The following AKNA variants were observed in gnomAD, a reference collection of about 807,000 sequenced individuals.
AKNA encodes the protein microtubule organization protein AKNA.
AKNA carries 67 observed loss-of-function variants against 138.8 expected under a neutral mutation model. The observed-to-expected ratio is 0.48, with a 90% CI of 0.40 to 0.59. AKNA has a LOEUF of 0.59. Among genes scored for constraint, AKNA ranks in the 20% least tolerant of loss-of-function variants. The probability of loss-of-function intolerance (pLI) is 0.00; values close to 1 mark genes in which losing one functional copy is unlikely to be tolerated. For synonymous variants in AKNA, 737 were observed against 754.4 expected (o/e 0.98, Z 0.38); for missense variants, 1,813 against 1,880.4 (o/e 0.96, Z 0.66).
At chr9:114,389,774 G>GTGAA (rs373047347), upstream of AKNA, among the ~76,000 whole-genome samples, 35 of 152,298 alleles carry the variant, frequency 2.3e-4, no homozygotes, top group Admixed American at 1.2e-3. Flanking sequence ...AATGTGTTCT[G>GTGAA]TGAATGAATG....
chr9:114,371,735 C>A (rs112407454), intron 4 of AKNA, among the ~76,000 whole-genome samples: 4,111 of 152,282 alleles, frequency 0.027, 196 homozygotes, highest in African/African-American at 0.094. Context: ...TGTCCACCTA[C>A]CCACCATGCC....
At chr9:114,385,341 T>A (rs1037287844) in intron 1 of AKNA, among the ~76,000 whole-genome samples, 2 of 152,160 alleles carry the variant, frequency 1.3e-5, no homozygotes, top group African/African-American at 2.4e-5. Context: ...GGCCCAGGAA[T>A]CTGCATTTTA....
intron 1 of AKNA, among the ~76,000 whole-genome samples, chr9:114,386,287 A>G (rs994900083): frequency 6.6e-6 from 1 of 152,242 alleles, no homozygotes; most frequent in Non-Finnish European, 1.5e-5. Flanking sequence ...GGGTAGTACA[A>G]TACAGAAGTG....
rs751196115 is a variant in AKNA at position 114,360,023 on chromosome 9, G to C, written c.2164C>G (p.Pro722Ala). 6.2e-7 allele frequency: 1 copy of C among 1,614,222 alleles called. No individual in the cohort carries two copies. The change falls in exon 10 of 22, where the codon CCA becomes GCA. Residue 722 changes from proline (P) to alanine (A), a missense_variant. Physicochemically the swap from Pro to Ala is conservative, Grantham distance 27. Coordinates refer to ENST00000374088, the MANE Select transcript of AKNA (RefSeq NM_001317950.2). ...CTCACCTCCACATTTACGTGCAATG[G>C]GCAGGGGCCAGTGCTGGCGGCGGCA... ...TTAAASTGPC[P>A]LHVNVEVSSG...
chr9:114,341,939 C>T (rs1830383179), intron 20 of AKNA, 70 bp downstream of exon 20: 1 of 1,464,474 alleles, frequency 6.8e-7, no homozygotes, highest in East Asian at 2.3e-5. Flanking sequence ...TTAAACTCAC[C>T]CAGGTCTAAT....
rs1295952381 is a variant in AKNA, at chr9:114,351,094, G to A, written c.3059-73C>T. ...TTCCAAGCTCACACTTGTGCAGGTG[G>A]AATGATGGGGGAAGTGAAGAGACGG... On this transcript the variant is annotated intron_variant, in intron 14 of 21. Coordinates refer to ENST00000374088, the MANE Select transcript of AKNA (RefSeq NM_001317950.2). 2.7e-6 allele frequency: 4 copies of A among 1,466,720 alleles called. No homozygotes were observed. The African/African-American group carries it at 4.2e-5, about 15-fold the overall frequency. 90.9% of individuals were successfully genotyped at this position (1,466,720 alleles called of 1,614,324 possible).
intron 16 of AKNA, 48 bp from the exon 17 acceptor site, chr9:114,346,832 G>C (rs755708881): frequency 6.7e-7 from 1 of 1,501,010 alleles, no homozygotes; most frequent in African/African-American, 1.4e-5. Flanking sequence ...GTTTTGTGTG[G>C]CCTTTAAAGG....
intron 14 of AKNA, 81 bp downstream of exon 14, chr9:114,355,844 A>G: frequency 7.1e-7 from 1 of 1,411,638 alleles, no homozygotes; most frequent in Non-Finnish European, 9.6e-7. Flanking sequence ...CTAATATGTC[A>G]TATCCTAAAG....
chr9:114,367,678 T>A lies in AKNA; in HGVS notation c.1593A>T (p.Gly531=), dbSNP rs1564642840. The change falls in exon 6 of 22, where the codon GGA becomes GGT. Residue 531 remains glycine, a synonymous_variant. Transcript: ENST00000374088. ...SAASGWPSAR[G]DLSPSSLTSM... is the part of the protein sequence containing the mutation. The stretch of plus-strand genomic sequence containing the variant: ...TGGTAAGCGAGGAGGGGCTCAAGTC[T>A]CCTCGAGCTGATGGCCACCCTGGAA... The A allele has an allele frequency of 6.3e-7, 1 of 1,576,662 alleles. No homozygotes were observed. The highest frequency in any genetic ancestry group is 8.7e-7 in the Non-Finnish European group (1 of 1,154,976).
Position 114,346,817 on chromosome 9 carries a change from A to C in AKNA, c.3399-33T>G, listed in dbSNP as rs79389538. ...AAGGAAAGAGAGATGATGTCATTGG[A>C]TGAGGTTTTGTGTGGCCTTTAAAGG... On this transcript the variant is annotated intron_variant, in intron 16 of 21. Transcript: ENST00000374088. 3,285 of 1,589,600 alleles carry C rather than the reference A, an allele frequency of 2.1e-3. 27 individuals are homozygous for C. The highest frequency in any genetic ancestry group is 0.018 in the East Asian group (802 of 44,422).
intron 3 of AKNA, among the ~76,000 whole-genome samples, chr9:114,375,220 GAA>G (rs1833081288): frequency 6.6e-6 from 1 of 152,200 alleles, no homozygotes. Flanking sequence ...TGGGACGCAT[GAA>G]AAGAGACCAC....
Position 114,357,981 on chromosome 9 carries a change from G to T in AKNA, c.2679C>A (p.Ser893Arg). The T allele has an allele frequency of 6.2e-7, 1 of 1,602,812 alleles. No individual in the cohort carries two copies. Among genetic ancestry groups the T allele is most frequent in the Non-Finnish European group, 8.5e-7 (1 of 1,174,930 alleles). ...TCTGTGGAAGGCGCTCAGAGATGCCGCTTCCCTCCAGGCTGGTCATACTAC... is the reference window on the plus strand; with the variant it reads ...TCTGTGGAAGGCGCTCAGAGATGCCTCTTCCCTCCAGGCTGGTCATACTAC... The part of the protein sequence containing the change: ...HQSSMTSLEG[S>R]GISERLPQKP... The change falls in exon 12 of 22, where the codon AGC becomes AGA. Residue 893 changes from serine to arginine, a missense_variant. Ser to Arg is a moderately radical substitution (Grantham distance 110). Coordinates refer to ENST00000374088, the MANE Select transcript of AKNA (RefSeq NM_001317950.2).
chr9:114,340,878 G>T (rs554426530), intron 21 of AKNA, among the ~76,000 whole-genome samples: 2 of 152,208 alleles, frequency 1.3e-5, no homozygotes, highest in South Asian at 2.1e-4. Context: ...TGTCACAGCC[G>T]AGGGGGCGTA....
intron 4 of AKNA, 126 bp downstream of exon 4, chr9:114,373,967 C>G (rs1427359746): frequency 3.6e-6 from 3 of 827,980 alleles, no homozygotes; most frequent in Non-Finnish European, 5.3e-6. Context: ...TAGAAGAAAA[C>G]TGGCGTTCCA....
In AKNA at chr9:114,367,600, C is replaced by T. The variant is rs746094664; in HGVS notation, c.1671G>A (p.Gln557=). 1 of 1,612,640 alleles carries T rather than the reference C, an allele frequency of 6.2e-7. No homozygotes were observed. The highest frequency in any genetic ancestry group is 8.5e-7 in the Non-Finnish European group (1 of 1,178,958). Reference sequence around the variant, plus strand: ...GTGCCTGGGTCTGCTCTGCTGAGGACTGGTCCTCAGAGATGTCCCGGTTCT... The same window carrying T: ...GTGCCTGGGTCTGCTCTGCTGAGGATTGGTCCTCAGAGATGTCCCGGTTCT... The part of the protein sequence containing the change: ...LPENRDISED[Q]SSAEQTQALA... The change falls in exon 6 of 22, where the codon CAG becomes CAA. Residue 557 remains glutamine (Q), a synonymous_variant. Transcript: ENST00000374088.
At position 114,343,818 on chromosome 9, in the gene AKNA, C is replaced by T. The variant is rs1386092404; in HGVS notation, c.3662-15G>A. On this transcript the variant is annotated splice_polypyrimidine_tract_variant and intron_variant, in intron 18 of 21. Transcript: ENST00000374088. Reference sequence around the variant, plus strand: ...GTATTCGTGGCCTGGGGAAAGAAACCAGAACTGTCAGTATCAGCCCTGTGG... The same window carrying T: ...GTATTCGTGGCCTGGGGAAAGAAACTAGAACTGTCAGTATCAGCCCTGTGG... 51 of 1,598,686 alleles carry T rather than the reference C, an allele frequency of 3.2e-5. No individual in the cohort carries two copies. Among genetic ancestry groups the T allele is most frequent in the Non-Finnish European group, 4.2e-5 (49 of 1,167,748 alleles).
intron 4 of AKNA, 51 bp downstream of exon 4, chr9:114,374,041 TC>T (rs1230565117): frequency 2.3e-5 from 35 of 1,533,892 alleles, no homozygotes; most frequent in Non-Finnish European, 3.0e-5. Flanking sequence ...TGGAAAAGTG[TC>T]ACCTCCTCGG....
intron 13 of AKNA, among the ~76,000 whole-genome samples, chr9:114,356,562 G>A (rs557883880): frequency 6.6e-6 from 1 of 152,200 alleles, no homozygotes; most frequent in Non-Finnish European, 1.5e-5. Flanking sequence ...CTTGTCTTCT[G>A]TTCACCTCAC....
intron 19 of AKNA, among the ~76,000 whole-genome samples, chr9:114,342,528 G>C (rs1830426413): frequency 6.6e-6 from 1 of 150,832 alleles, no homozygotes; most frequent in African/African-American, 2.4e-5. Flanking sequence ...ACCACAGTGA[G>C]ACAGAGCCAT....
Sources: allele counts gnomAD v4.1 joint callset (sites outside exome capture counted in the v4.1 genomes callset), GRCh38; gene constraint gnomAD v4.1.1; transcripts MANE v1.5; gene names NCBI Gene and HGNC (gene_info 2026-07-23, HGNC 2026-07-21).